The following RIC1 variants were observed in gnomAD, a reference collection of about 807,000 sequenced individuals.
The protein encoded by RIC1 is guanine nucleotide exchange factor subunit RIC1.
In RIC1, 88 loss-of-function variants were observed where a neutral mutation model predicts 169.0. The observed-to-expected ratio is 0.52, with a 90% CI of 0.44 to 0.62. RIC1 has a LOEUF of 0.62. RIC1 is among the 20% of genes least tolerant of loss of function. The pLI, the probability that RIC1 is intolerant of heterozygous loss-of-function variation, is 0.00. For missense variants in RIC1, 1,877 were observed against 1,725.5 expected (o/e 1.09, Z -1.56); for synonymous variants, 790 against 601.5 (o/e 1.31, Z -4.59).
intron 17 of RIC1, 65 bp from the exon 18 acceptor site, chr9:5,762,476 G>A: frequency 4.4e-6 from 7 of 1,585,228 alleles, no homozygotes; most frequent in Non-Finnish European, 6.0e-6. Context: ...TTATGGATTG[G>A]GGGGAGATGC....
rs543976727 is a variant in RIC1, at chr9:5,774,351, C to A, written c.*105C>A. ...TTAACAGGAGAACTCAGTTCAGAGACTCTTCGGTAAGTATTAGTAGATTTT... is the reference window on the plus strand; with the variant it reads ...TTAACAGGAGAACTCAGTTCAGAGAATCTTCGGTAAGTATTAGTAGATTTT... On this transcript the variant is annotated 3_prime_UTR_variant, in exon 26 of 26. Coordinates refer to ENST00000414202, the MANE Select transcript of RIC1 (RefSeq NM_020829.4). 3 of 948,676 alleles carry A rather than the reference C, an allele frequency of 3.2e-6. No individual in the cohort carries two copies. Among genetic ancestry groups the A allele is most frequent in the Non-Finnish European group, 4.6e-6 (3 of 646,554 alleles). The allele number at this position is 948,676 out of a possible 1,614,324, so 58.8% of individuals were successfully genotyped here. A position where few individuals can be genotyped will look rare whatever the true frequency, so the allele number is the denominator to read the frequency against.
At chr9:5,671,055 G>A (rs1422629605) in intron 2 of RIC1, among the ~76,000 whole-genome samples, 1 of 152,128 alleles carries the variant, frequency 6.6e-6, no homozygotes, top group East Asian at 1.9e-4. Flanking sequence ...CAGTAGTGAT[G>A]TTACCTGCAG....
chr9:5,710,275 G>A (rs1822854685), intron 3 of RIC1, among the ~76,000 whole-genome samples: 1 of 152,206 alleles, frequency 6.6e-6, no homozygotes, highest in African/African-American at 2.4e-5. Flanking sequence ...GGATTCCTAT[G>A]TTCCCACCTC....
chr9:5,629,381 C>T lies in RIC1; in HGVS notation c.72C>T (p.His24=). Residue 24 remains histidine, a synonymous_variant, in exon 1 of 26, where the codon CAC becomes CAT. Transcript: ENST00000414202. ...PLGSPAEAPF[H]VQSDPQRAFF... ...GGAGCCCGGCCGAGGCGCCTTTCCA[C>T]GTTCAGTCCGACCCGCAGAGGGCTT... 2 of 1,533,766 alleles carry T rather than the reference C, an allele frequency of 1.3e-6. No homozygotes were observed. Among genetic ancestry groups the T allele is most frequent in the East Asian group, 2.5e-5 (1 of 40,672 alleles).
At chr9:5,668,201 T>C (rs753953885) in intron 2 of RIC1, among the ~76,000 whole-genome samples, 2 of 151,820 alleles carry the variant, frequency 1.3e-5, no homozygotes, top group Non-Finnish European at 2.9e-5. Context: ...GTACCACCTC[T>C]GTGATTCAAT....
At chr9:5,744,447 A>ACCCC (rs1361619555) in intron 10 of RIC1, among the ~76,000 whole-genome samples, 4 of 152,126 alleles carry the variant, frequency 2.6e-5, no homozygotes, top group Non-Finnish European at 5.9e-5. Context: ...CAGGTTGAGT[A>ACCCC]CCCCTTAACC....
chr9:5,710,178 G>C (rs1312036275), intron 3 of RIC1, among the ~76,000 whole-genome samples: 2 of 152,158 alleles, frequency 1.3e-5, no homozygotes, highest in East Asian at 1.9e-4. Flanking sequence ...ACTCAGAAAG[G>C]CTTAGAGCTT....
At chr9:5,645,522 G>A (rs1818460691) in intron 1 of RIC1, among the ~76,000 whole-genome samples, 1 of 152,130 alleles carries the variant, frequency 6.6e-6, no homozygotes, top group African/African-American at 2.4e-5. Context: ...TTCCCAAACT[G>A]AAGCTTCGTA....
chr9:5,636,118 G>T (rs550852223), intron 1 of RIC1, among the ~76,000 whole-genome samples: 11 of 152,138 alleles, frequency 7.2e-5, no homozygotes, highest in Non-Finnish European at 1.3e-4. Context: ...GATAGAGATT[G>T]CATTGAATCC....
chr9:5,767,317 G>A (rs1050305695), intron 21 of RIC1, among the ~76,000 whole-genome samples: 1 of 152,160 alleles, frequency 6.6e-6, no homozygotes, highest in African/African-American at 2.4e-5. Context: ...ACCCATAGAT[G>A]GGATATTGTC....
At chr9:5,652,874 C>A (rs937279168) in intron 1 of RIC1, among the ~76,000 whole-genome samples, 8 of 152,108 alleles carry the variant, frequency 5.3e-5, no homozygotes, top group African/African-American at 1.9e-4. Flanking sequence ...GAGTTACATT[C>A]TTTCTATTCT....
chr9:5,746,876 T>C (rs1286542728), intron 11 of RIC1, among the ~76,000 whole-genome samples: 4 of 152,158 alleles, frequency 2.6e-5, no homozygotes, highest in Non-Finnish European at 5.9e-5. Flanking sequence ...GATCCATTAT[T>C]CCACTTGAAG....
chr9:5,740,671 A>AT (rs1003012089), intron 8 of RIC1, among the ~76,000 whole-genome samples: 1 of 149,626 alleles, frequency 6.7e-6, no homozygotes, highest in African/African-American at 2.5e-5. Context: ...CTATTTTCAC[A>AT]TTTTTCTGCC....
At chr9:5,670,991 G>T (rs1338442655) in intron 2 of RIC1, among the ~76,000 whole-genome samples, 3 of 152,066 alleles carry the variant, frequency 2.0e-5, no homozygotes, top group South Asian at 2.1e-4. Flanking sequence ...GCCCTCCGCC[G>T]TCAGAAATGC....
chr9:5,724,516 T>G (rs1311462931), intron 6 of RIC1, among the ~76,000 whole-genome samples: 2 of 152,226 alleles, frequency 1.3e-5, no homozygotes, highest in Non-Finnish European at 2.9e-5. Context: ...CAGGGACAAT[T>G]TGACTTCCTC....
At chr9:5,702,536 G>GTTTT (rs368669483) in intron 3 of RIC1, among the ~76,000 whole-genome samples, 3 of 75,330 alleles carry the variant, frequency 4.0e-5, no homozygotes, top group Non-Finnish European at 7.2e-5. Flanking sequence ...TTTTGTTTTT[G>GTTTT]TTTTTGTTTG....
At chr9:5,665,079 G>T (rs554644261) in intron 2 of RIC1, among the ~76,000 whole-genome samples, 3 of 152,192 alleles carry the variant, frequency 2.0e-5, no homozygotes, top group African/African-American at 7.2e-5. Flanking sequence ...AACTTGCTTT[G>T]TGAATCTGGG....
chr9:5,749,374 A>G (rs1825587138), intron 12 of RIC1, among the ~76,000 whole-genome samples: 1 of 152,194 alleles, frequency 6.6e-6, no homozygotes, highest in Non-Finnish European at 1.5e-5. Context: ...CAGTGTCTAT[A>G]TAATGCTAAA....
At chr9:5,764,917 G>A (rs1041677839) in intron 19 of RIC1, among the ~76,000 whole-genome samples, 3 of 152,134 alleles carry the variant, frequency 2.0e-5, no homozygotes, top group African/African-American at 7.2e-5. Flanking sequence ...GGTTAAATTT[G>A]TGAAAGAAAA....
Sources: allele counts gnomAD v4.1 joint callset (sites outside exome capture counted in the v4.1 genomes callset), GRCh38; gene constraint gnomAD v4.1.1; transcripts MANE v1.5; gene names NCBI Gene and HGNC (gene_info 2026-07-23, HGNC 2026-07-21).